The following AHNAK variants were observed in gnomAD, a reference collection of about 807,000 sequenced individuals.
The protein encoded by AHNAK is AHNAK nucleoprotein.
In AHNAK, 23 loss-of-function variants were observed where a neutral mutation model predicts 37.8. That is an observed-to-expected ratio of 0.61 (90% CI 0.44 to 0.86). The LOEUF (loss-of-function observed/expected upper bound fraction) is 0.86, where lower values mean the gene tolerates loss of function less well. Ranked by LOEUF, AHNAK falls within the 40% of genes least tolerant of loss-of-function variation. The pLI, the probability that AHNAK is intolerant of heterozygous loss-of-function variation, is 0.00. For synonymous variants in AHNAK, 2,481 were observed against 2,636.3 expected, an observed-to-expected ratio of 0.94 and a Z score of 1.80; for missense variants, 7,411 against 7,319.4, an observed-to-expected ratio of 1.01 and a Z score of -0.46.
intron 5 of AHNAK, among the ~76,000 whole-genome samples, chr11:62,485,529 C>T (rs1445833244): frequency 4.0e-5 from 6 of 151,686 alleles, no homozygotes; most frequent in Admixed American, 6.6e-5. Flanking sequence ...GGTGAAACCC[C>T]GTCTCTACTA....
chr11:62,500,578 C>T (rs1939694976), intron 4 of AHNAK, among the ~76,000 whole-genome samples: 2 of 152,198 alleles, frequency 1.3e-5, no homozygotes, highest in Admixed American at 1.3e-4. Flanking sequence ...GGCTCCGAAC[C>T]TCCCCAGTGA....
rs541669738 is a variant in AHNAK, at chr11:62,544,102, G to A, written c.-100+2558C>T. Among the ~76,000 whole-genome samples the A allele has an allele frequency of 1.4e-4, 21 of 152,032 alleles. No individual in the cohort carries two copies. In the East Asian group the frequency reaches 2.1e-3, roughly 15 times the overall value. On this transcript the variant is annotated intron_variant, in intron 1 of 4. Coordinates refer to ENST00000378024, the MANE Select transcript of AHNAK (RefSeq NM_001620.3). ...CCAGCTCCTCAGGCTCAGGGTGACC[G>A]GCTCTGCCAGGACCCACCAGCCAAT... is the stretch of plus-strand genomic sequence containing the variant.
rs11231133 is a variant in AHNAK, at chr11:62,540,204, C to T, written c.-99-3637G>A. Among the ~76,000 whole-genome samples the T allele has an allele frequency of 1.4e-3, 206 of 152,310 alleles. 2 individuals are homozygous for T. The highest frequency in any genetic ancestry group is 4.7e-3 in the African/African-American group (197 of 41,556). On this transcript the variant is annotated intron_variant, in intron 1 of 4. Transcript: ENST00000378024. ...AGAGACCTAGAGTTGTGCCACCCAACGCAGCAGCCACATGTGGCTATTTAA... is the reference window on the plus strand; with the variant it reads ...AGAGACCTAGAGTTGTGCCACCCAATGCAGCAGCCACATGTGGCTATTTAA...
chr11:62,455,280 A>G (rs1437570939), intron 5 of AHNAK, among the ~76,000 whole-genome samples: 2 of 151,966 alleles, frequency 1.3e-5, no homozygotes, highest in Admixed American at 6.6e-5. Flanking sequence ...AAGGCCTGAA[A>G]TGGCTTCAGG....
In AHNAK at chr11:62,525,541, T is replaced by G; in HGVS notation, c.8876A>C (p.Lys2959Thr). ...GTCAGGCATGGGGATCTTGGGGGCT[T>G]TGATATTCATCTCTGGCATCTTGAA... Reference protein sequence around the residue: ...PKFKMPEMNIKAPKIPMPDFD... With the variant: ...PKFKMPEMNITAPKIPMPDFD... Residue 2959 changes from lysine to threonine, a missense_variant, in exon 5 of 5, where the codon AAA becomes ACA. Coordinates refer to ENST00000378024, the MANE Select transcript of AHNAK (RefSeq NM_001620.3). 6.2e-7 allele frequency: 1 copy of G among 1,614,094 alleles called. No individual in the cohort carries two copies. Among genetic ancestry groups the G allele is most frequent in the Non-Finnish European group, 8.5e-7 (1 of 1,180,030 alleles).
intron 5 of AHNAK, among the ~76,000 whole-genome samples, chr11:62,438,658 A>G (rs903839984): frequency 6.6e-6 from 1 of 151,990 alleles, no homozygotes; most frequent in Admixed American, 6.6e-5. Flanking sequence ...AGAGGATTTA[A>G]TTTTGATAAA....
In AHNAK at chr11:62,516,552, CTT is replaced by C. The variant is rs1940023554; in HGVS notation, c.*190_*191del. The C allele has an allele frequency of 2.8e-5, 40 of 1,436,876 alleles. 1 individual carries two copies. In the South Asian group the frequency reaches 5.5e-4, roughly 20 times the overall value. The allele number at this position is 1,436,876 out of a possible 1,614,324, so 89.0% of individuals were successfully genotyped here. A position where few individuals can be genotyped will look rare whatever the true frequency, so the allele number is the denominator to read the frequency against. On this transcript the variant is annotated 3_prime_UTR_variant, in exon 5 of 5. Coordinates refer to ENST00000378024, the MANE Select transcript of AHNAK (RefSeq NM_001620.3). ...ACATGGGCTGGACGAACTTGGAACTCTTTACCTATCTGTATAGTTCCAGGAGC... is the reference window on the plus strand; with the variant it reads ...ACATGGGCTGGACGAACTTGGAACTCTACCTATCTGTATAGTTCCAGGAGC...
chr11:62,505,032 G>A (rs1383304764), intron 4 of AHNAK, among the ~76,000 whole-genome samples: 1 of 152,148 alleles, frequency 6.6e-6, no homozygotes, highest in African/African-American at 2.4e-5. Flanking sequence ...GTTTCTCAGG[G>A]TACAAAGCTG....
rs1318022228 is a variant in AHNAK at position 62,528,640 on chromosome 11, T to C, written c.5777A>G (p.Asp1926Gly). The change falls in exon 5 of 5, where the codon GAT becomes GGT. Residue 1926 changes from aspartate to glycine, a missense_variant. Coordinates refer to ENST00000378024, the MANE Select transcript of AHNAK (RefSeq NM_001620.3). ...GGGGCCTTTCAAGTGTAAGTCCACA[T>C]CAGGCATGGAGATCTTGGGGGCCTT... is the stretch of plus-strand genomic sequence containing the variant. ...HFKAPKISMP[D>G]VDLHLKGPKV... 1 of 1,610,098 alleles carries C rather than the reference T, an allele frequency of 6.2e-7. No individual in the cohort carries two copies. The highest frequency in any genetic ancestry group is 1.3e-5 in the African/African-American group (1 of 74,306).
At chr11:62,457,284 A>T (rs1446539045) in intron 5 of AHNAK, among the ~76,000 whole-genome samples, 31 of 152,042 alleles carry the variant, frequency 2.0e-4, no homozygotes, top group East Asian at 1.9e-4. Context: ...CATCTCTGCT[A>T]AAAGTACAAA....
chr11:62,456,115 G>A (rs1263129516), intron 5 of AHNAK, among the ~76,000 whole-genome samples: 1 of 152,178 alleles, frequency 6.6e-6, no homozygotes, highest in Non-Finnish European at 1.5e-5. Context: ...AAGCATGTGA[G>A]GACGCAGGGA....
downstream of AHNAK, among the ~76,000 whole-genome samples, chr11:62,511,596 G>A (rs1225461067): frequency 6.6e-6 from 1 of 152,050 alleles, no homozygotes; most frequent in African/African-American, 2.4e-5. Flanking sequence ...AGAGCTTCCC[G>A]AGGTGACCAC....
chr11:62,528,871 T>G lies in AHNAK; in HGVS notation c.5546A>C (p.His1849Pro), dbSNP rs775724197. 1.9e-6 allele frequency: 3 copies of G among 1,613,794 alleles called. No homozygotes were observed. Among genetic ancestry groups the G allele is most frequent in the Non-Finnish European group, 2.5e-6 (3 of 1,179,974 alleles). The stretch of plus-strand genomic sequence containing the variant: ...CATGGAGATCTTGGGGGCCTTGAAG[T>G]GCATCTCAGGCATCTTAAACTTGGG... ...KGPKFKMPEM[H>P]FKAPKISMPD... The change falls in exon 5 of 5, where the codon CAC (histidine) becomes CCC (proline). Residue 1849 changes from histidine (H) to proline (P), a missense_variant. Coordinates refer to ENST00000378024, the MANE Select transcript of AHNAK (RefSeq NM_001620.3).
At chr11:62,447,426 T>G (rs1170259330) in intron 5 of AHNAK, among the ~76,000 whole-genome samples, 1 of 152,122 alleles carries the variant, frequency 6.6e-6, no homozygotes, top group Non-Finnish European at 1.5e-5. Context: ...AAAAGAGGCA[T>G]GAGGAGAACG....
rs375186048 is a variant in AHNAK, at chr11:62,532,252, A to G, written c.2165T>C (p.Leu722Pro). 6.2e-7 allele frequency: 1 copy of G among 1,613,440 alleles called. No homozygotes were observed. The highest frequency in any genetic ancestry group is 1.3e-5 in the African/African-American group (1 of 74,654). ...KGEYDVTVPK[L>P]EGELKGPKVD... Reference sequence around the variant, plus strand: ...TTTTGGGCCTTTGAGTTCTCCTTCCAGCTTTGGTACAGTTACATCATACTC... The same window carrying G: ...TTTTGGGCCTTTGAGTTCTCCTTCCGGCTTTGGTACAGTTACATCATACTC... Residue 722 changes from leucine to proline, a missense_variant, in exon 5 of 5, where the codon CTG (leucine) becomes CCG (proline). Coordinates refer to ENST00000378024, the MANE Select transcript of AHNAK (RefSeq NM_001620.3).
Position 62,516,951 on chromosome 11 carries a change from G to C in AHNAK, c.17466C>G (p.Phe5822Leu), listed in dbSNP as rs568310094. 1 of 1,614,128 alleles carries C rather than the reference G, an allele frequency of 6.2e-7. No individual in the cohort carries two copies. Among genetic ancestry groups the C allele is most frequent in the Non-Finnish European group, 8.5e-7 (1 of 1,180,016 alleles). ...TTGACCCCAATCCACCAAAGGTACC[G>C]AATTTCAGCTTCCCGTGTTTCCCTT... ...KVKGKHGKLK[F>L]GTFGGLGSKS... The change falls in exon 5 of 5, where the codon TTC (phenylalanine) becomes TTG (leucine). Residue 5822 changes from phenylalanine (F) to leucine (L), a missense_variant. Transcript: ENST00000378024.
rs1288636421 is a variant in AHNAK, at chr11:62,516,298, G to A, written c.*446C>T. The A allele has an allele frequency of 7.8e-7, 1 of 1,289,360 alleles. No homozygotes were observed. Among genetic ancestry groups the A allele is most frequent in the Non-Finnish European group, 1.0e-6 (1 of 988,864 alleles). The allele number at this position is 1,289,360 out of a possible 1,614,324, so 79.9% of individuals were successfully genotyped here. On this transcript the variant is annotated 3_prime_UTR_variant, in exon 5 of 5. Transcript: ENST00000378024. Reference sequence around the variant, plus strand: ...TGAACAGATCCAGTCTCAGGAAAGAGGAAGACCTGACCTCCGTCTGCAACC... The same window carrying A: ...TGAACAGATCCAGTCTCAGGAAAGAAGAAGACCTGACCTCCGTCTGCAACC...
At chr11:62,456,080 CA>C (rs1324557088) in intron 5 of AHNAK, among the ~76,000 whole-genome samples, 1 of 151,916 alleles carries the variant, frequency 6.6e-6, no homozygotes, top group East Asian at 1.9e-4. Flanking sequence ...AAAGAGACAC[CA>C]GGGGTACACA....
intron 5 of AHNAK, among the ~76,000 whole-genome samples, chr11:62,460,747 C>T (rs894447004): frequency 1.3e-5 from 2 of 151,990 alleles, no homozygotes; most frequent in African/African-American, 4.8e-5. Flanking sequence ...CCCCTAGGAC[C>T]CAGAGATAAA....
Sources: gnomAD v4.1 joint callset for allele counts (sites outside exome capture counted in the v4.1 genomes callset) on GRCh38, gnomAD v4.1.1 for gene constraint, MANE v1.5 for transcripts, NCBI Gene and HGNC (gene_info 2026-07-23, HGNC 2026-07-21) for gene names.